TMEM232: variants seen among roughly 807,000 people sequenced by gnomAD.
The protein encoded by TMEM232 is transmembrane protein 232.
A neutral mutation model predicts 78.8 loss-of-function variants in TMEM232; 80 were observed. The observed-to-expected ratio is 1.01, with a 90% CI of 0.85 to 1.22. TMEM232 has a LOEUF of 1.22. TMEM232 is among the 50% of genes most tolerant of loss of function. The probability of loss-of-function intolerance (pLI) is 0.00; values close to 1 mark genes in which losing one functional copy is unlikely to be tolerated. For missense variants in TMEM232, 881 were observed against 742.2 expected (o/e 1.19, Z -2.17); for synonymous variants, 297 against 254.3 (o/e 1.17, Z -1.60).
At chr5:110,468,014 C>T (rs1762272525) in intron 12 of TMEM232, among the ~76,000 whole-genome samples, 1 of 151,620 alleles carries the variant, frequency 6.6e-6, no homozygotes, top group African/African-American at 2.4e-5. Flanking sequence ...TATAAGGACA[C>T]CAGTCATATG....
At chr5:110,444,639 A>T (rs189263944) in intron 12 of TMEM232, among the ~76,000 whole-genome samples, 163 of 152,132 alleles carry the variant, frequency 1.1e-3, no homozygotes, top group African/African-American at 3.9e-3. Flanking sequence ...CTACCCCTTA[A>T]ATGTTGTTTT....
At chr5:110,524,407 G>GAA (rs1554098897) in intron 12 of TMEM232, among the ~76,000 whole-genome samples, 1 of 87,574 alleles carries the variant, frequency 1.1e-5, no homozygotes, top group African/African-American at 5.0e-5. Flanking sequence ...AAGAAAGAAA[G>GAA]AAAGAAAGAA....
intron 8 of TMEM232, chr5:110,610,587 G>A (rs1423693371): frequency 2.2e-6 from 1 of 455,778 alleles, no homozygotes; most frequent in Non-Finnish European, 4.4e-6. Context: ...CACAGGATTT[G>A]CCTCAATAGG....
chr5:110,423,375 A>AT (rs1486247330), intron 13 of TMEM232, among the ~76,000 whole-genome samples: 2 of 152,202 alleles, frequency 1.3e-5, no homozygotes, highest in Non-Finnish European at 2.9e-5. Flanking sequence ...CTGCAAGAGC[A>AT]TTTTTGTAAA....
chr5:110,601,847 A>C (rs1360260235), intron 10 of TMEM232, among the ~76,000 whole-genome samples: 3 of 152,216 alleles, frequency 2.0e-5, no homozygotes, highest in African/African-American at 7.2e-5. Context: ...AGAAAATCCT[A>C]AGCAAAGAGA....
chr5:110,631,382 C>T (rs575461914), intron 5 of TMEM232, among the ~76,000 whole-genome samples: 268 of 152,240 alleles, frequency 1.8e-3, no homozygotes, highest in African/African-American at 5.8e-3. Context: ...TTCACACCCC[C>T]GACCCAACAC....
At position 110,620,858 on chromosome 5, in the gene TMEM232, C is replaced by CTTTTTTT. The variant is rs558332663; in HGVS notation, c.769-2303_769-2297dup. Among the ~76,000 whole-genome samples, 17 of 87,440 alleles carry CTTTTTTT rather than the reference C, an allele frequency of 1.9e-4. 2 individuals are homozygous for CTTTTTTT. Among genetic ancestry groups the CTTTTTTT allele is most frequent in the African/African-American group, 5.6e-4 (10 of 17,912 alleles). The allele number at this position is 87,440 out of a possible 152,430, so 57.4% of individuals were successfully genotyped here. On this transcript the variant is annotated intron_variant, in intron 7 of 13. Transcript: ENST00000455884. ...TCAGGAATTTTATGTATTTCAAGCGCTTTTTTTTTTTTTTTTTTTTTTGAG... is the reference window on the plus strand; with the variant it reads ...TCAGGAATTTTATGTATTTCAAGCGCTTTTTTTTTTTTTTTTTTTTTTTTTTTTTGAG...
At chr5:110,575,541 G>A (rs559360986) in intron 10 of TMEM232, among the ~76,000 whole-genome samples, 42 of 152,158 alleles carry the variant, frequency 2.8e-4, no homozygotes, top group African/African-American at 9.4e-4. Context: ...ACTAGAAGCA[G>A]CTAAGGTGTG....
At chr5:110,729,810 C>A (rs10059343), upstream of TMEM232, among the ~76,000 whole-genome samples, 11,066 of 152,154 alleles carry the variant, frequency 0.073, 476 homozygotes, top group South Asian at 0.2. Context: ...AGCCTTCCAT[C>A]AATTCTATAA....
At chr5:110,691,509 T>C (rs1026406377) in intron 1 of TMEM232, among the ~76,000 whole-genome samples, 2 of 152,190 alleles carry the variant, frequency 1.3e-5, no homozygotes, top group Non-Finnish European at 2.9e-5. Flanking sequence ...AAAAGAAAAA[T>C]GGAAATAAAA....
intron 12 of TMEM232, among the ~76,000 whole-genome samples, chr5:110,481,965 A>T (rs538976380): frequency 6.6e-6 from 1 of 152,324 alleles, no homozygotes; most frequent in East Asian, 1.9e-4. Flanking sequence ...TTATCCCAAA[A>T]TAATAAGAAC....
At position 110,640,792 on chromosome 5, in the gene TMEM232, T is replaced by C. The variant is rs1216522942; in HGVS notation, c.343+99A>G. On this transcript the variant is annotated intron_variant, in intron 4 of 13. Transcript: ENST00000455884. ...TTTGATAGAGTAGAAAAATTTCTTG[T>C]CTTCTGCACAATTTTTAAAAATTAA... 9 of 746,440 alleles carry C rather than the reference T, an allele frequency of 1.2e-5. No homozygotes were observed. The East Asian group carries it at 2.1e-4, about 17-fold the overall frequency. The allele number at this position is 746,440 out of a possible 1,614,324, so 46.2% of individuals were successfully genotyped here.
At chr5:110,557,675 T>G (rs572829478) in intron 11 of TMEM232, among the ~76,000 whole-genome samples, 1 of 152,132 alleles carries the variant, frequency 6.6e-6, no homozygotes, top group African/African-American at 2.4e-5. Flanking sequence ...GGGGAGGTTC[T>G]ACACACTTTT....
intron 12 of TMEM232, among the ~76,000 whole-genome samples, chr5:110,525,864 G>C (rs1177453492): frequency 6.6e-6 from 1 of 150,820 alleles, no homozygotes; most frequent in African/African-American, 2.4e-5. Context: ...TAAAGGACTA[G>C]AATAAAAAAT....
chr5:110,449,649 A>G (rs1760049900), intron 12 of TMEM232, among the ~76,000 whole-genome samples: 1 of 152,094 alleles, frequency 6.6e-6, no homozygotes, highest in South Asian at 2.1e-4. Context: ...TGACACTAAA[A>G]ACTCAGTGTA....
At chr5:110,449,746 A>C (rs1217252409) in intron 12 of TMEM232, among the ~76,000 whole-genome samples, 2 of 152,180 alleles carry the variant, frequency 1.3e-5, no homozygotes, top group Non-Finnish European at 2.9e-5. Flanking sequence ...TCTGTATCAG[A>C]TTGTGGAGCT....
intron 7 of TMEM232, among the ~76,000 whole-genome samples, chr5:110,619,314 AC>A (rs1248012401): frequency 6.6e-6 from 1 of 152,168 alleles, no homozygotes; most frequent in Non-Finnish European, 1.5e-5. Flanking sequence ...CAACATCAGG[AC>A]TACAATTTCA....
chr5:110,483,560 G>GGACACAGGGAGGGGAACATCA lies in TMEM232; in HGVS notation c.1703+45007_1703+45027dup, dbSNP rs1473988080. Among the ~76,000 whole-genome samples, 3 of 152,100 alleles carry GGACACAGGGAGGGGAACATCA rather than the reference G, an allele frequency of 2.0e-5. No homozygotes were observed. The East Asian group carries it at 5.8e-4, about 29-fold the overall frequency. ...TGGGAATTGAACAATGAGAACACAT[G>GGACACAGGGAGGGGAACATCA]GACACAGGGAGGGGAACATCACACA... On this transcript the variant is annotated intron_variant, in intron 12 of 13. Transcript: ENST00000455884.
At chr5:110,715,272 TAAAGA>T (rs1796897804) in intron 1 of TMEM232, among the ~76,000 whole-genome samples, 1 of 151,738 alleles carries the variant, frequency 6.6e-6, no homozygotes, top group African/African-American at 2.4e-5. Context: ...AAACAGTAAT[TAAAGA>T]AATTATGAAA....
Sources: gnomAD v4.1 joint callset for allele counts (sites outside exome capture counted in the v4.1 genomes callset) on GRCh38, gnomAD v4.1.1 for gene constraint, MANE v1.5 for transcripts, NCBI Gene and HGNC (gene_info 2026-07-23, HGNC 2026-07-21) for gene names.